The following GLIS1 variants were observed in gnomAD, a reference collection of about 807,000 sequenced individuals.
GLIS1 encodes GLIS family zinc finger 1.
GLIS1 carries 24 observed loss-of-function variants against 63.8 expected under a neutral mutation model. That is an observed-to-expected ratio of 0.38 (90% CI 0.27 to 0.53). The LOEUF (loss-of-function observed/expected upper bound fraction) is 0.53. Among genes scored for constraint, GLIS1 ranks in the 20% least tolerant of loss-of-function variants. The pLI is 0.85. For missense variants in GLIS1, 1,036 were observed against 1,074.1 expected (o/e 0.96, Z 0.50); for synonymous variants, 450 against 482.5 (o/e 0.93, Z 0.88).
At chr1:53,710,626 C>T (rs975855746) in intron 2 of GLIS1, among the ~76,000 whole-genome samples, 2 of 152,196 alleles carry the variant, frequency 1.3e-5, no homozygotes, top group South Asian at 2.1e-4. Context: ...CAAGAAGCAC[C>T]TAGAATGGTC....
rs1645232531 is a variant in GLIS1 at position 53,594,614 on chromosome 1, G to A, written c.814C>T (p.Leu272=). Residue 272 remains leucine, a synonymous_variant, in exon 4 of 11, where the codon CTG becomes TTG. Transcript: ENST00000628545. The stretch of plus-strand genomic sequence containing the variant: ...CGGAGTCCATTTACACAGGTGACCA[G>A]AGACGTCTGGGAGGAGCGGATGATG... The part of the protein sequence containing the change: ...TSIIRSSQTS[L]VTCVNGLRSP... The A allele has an allele frequency of 1.3e-6, 2 of 1,575,904 alleles. No individual in the cohort carries two copies. Among genetic ancestry groups the A allele is most frequent in the Non-Finnish European group, 1.7e-6 (2 of 1,157,912 alleles).
At position 53,733,864 on chromosome 1, in the gene GLIS1, C is replaced by T. The variant is rs797914; in HGVS notation, c.259+3942G>A. 0.013 allele frequency: 12,340 copies of T among 962,388 alleles called. 1,023 individuals carry two copies. The African/African-American group carries it at 0.19, about 14-fold the overall frequency. 59.6% of individuals were successfully genotyped at this position (962,388 alleles called of 1,614,324 possible). ...GATGAAATGCAAGCAAATTGCCCAC[C>T]GGAGCCGGAGGGGAGAAATGCTTTA... On this transcript the variant is annotated intron_variant, in intron 2 of 10. Coordinates refer to ENST00000628545, the MANE Select transcript of GLIS1 (RefSeq NM_001367484.1).
chr1:53,556,325 G>GGTTT (rs1644825647), intron 4 of GLIS1, among the ~76,000 whole-genome samples: 1 of 136,474 alleles, frequency 7.3e-6, no homozygotes, highest in Admixed American at 7.4e-5. Context: ...GTGTACTGCA[G>GGTTT]GTGTGTGTGT....
At chr1:53,645,046 G>C (rs554823826) in intron 2 of GLIS1, among the ~76,000 whole-genome samples, 2 of 152,196 alleles carry the variant, frequency 1.3e-5, no homozygotes, top group Non-Finnish European at 2.9e-5. Flanking sequence ...CATAGGAAAT[G>C]TCTGTGAAAT....
intron 4 of GLIS1, among the ~76,000 whole-genome samples, chr1:53,545,154 T>A (rs1448838184): frequency 2.0e-5 from 3 of 152,296 alleles, no homozygotes; most frequent in Non-Finnish European, 4.4e-5. Flanking sequence ...TACCCTAATT[T>A]GTCTGCATTG....
intron 3 of GLIS1, among the ~76,000 whole-genome samples, chr1:53,597,535 TA>T (rs1557472399): frequency 6.6e-6 from 1 of 151,856 alleles, no homozygotes; most frequent in East Asian, 1.9e-4. Flanking sequence ...TTATTAGTAT[TA>T]GAGAGTTAGG....
intron 2 of GLIS1, among the ~76,000 whole-genome samples, chr1:53,719,293 C>A (rs1646729631): frequency 6.6e-6 from 1 of 152,212 alleles, no homozygotes; most frequent in Admixed American, 6.5e-5. Flanking sequence ...TCTGAGTGAT[C>A]CTCTTAGAGC....
intron 2 of GLIS1, among the ~76,000 whole-genome samples, chr1:53,720,955 G>A (rs796163353): frequency 4.6e-5 from 7 of 151,446 alleles, no homozygotes; most frequent in African/African-American, 9.7e-5. Context: ...CCGAGATCAC[G>A]CCACTGCACT....
intron 4 of GLIS1, among the ~76,000 whole-genome samples, chr1:53,572,215 C>G (rs778577126): frequency 2.6e-5 from 4 of 152,204 alleles, no homozygotes; most frequent in Non-Finnish European, 5.9e-5. Context: ...GTCTCCACTT[C>G]CCAGAGCATT....
intron 2 of GLIS1, among the ~76,000 whole-genome samples, chr1:53,644,300 T>A (rs1030456331): frequency 2.0e-5 from 3 of 152,236 alleles, no homozygotes; most frequent in Non-Finnish European, 2.9e-5. Flanking sequence ...TCTGCCATGA[T>A]AAATCACTAT....
chr1:53,709,549 T>C (rs1646624258), intron 2 of GLIS1, among the ~76,000 whole-genome samples: 1 of 151,688 alleles, frequency 6.6e-6, no homozygotes, highest in Admixed American at 6.6e-5. Flanking sequence ...GTTAGACAGC[T>C]GGGTTCATGA....
intron 2 of GLIS1, among the ~76,000 whole-genome samples, chr1:53,611,260 G>C (rs1200043966): frequency 6.6e-6 from 1 of 152,092 alleles, no homozygotes; most frequent in Non-Finnish European, 1.5e-5. Context: ...CAGCTAATTT[G>C]TGTATTTTTT....
At chr1:53,530,074 C>T (rs1644514031) in intron 4 of GLIS1, 122 bp from the exon 5 acceptor site, 1 of 860,462 alleles carries the variant, frequency 1.2e-6, no homozygotes, top group Non-Finnish European at 1.8e-6. Flanking sequence ...GCTGGAGCCT[C>T]TGAGAGCTCT....
At chr1:53,590,736 TG>T (rs1406175666) in intron 4 of GLIS1, among the ~76,000 whole-genome samples, 1 of 152,116 alleles carries the variant, frequency 6.6e-6, no homozygotes, top group African/African-American at 2.4e-5. Flanking sequence ...AACAGGATAT[TG>T]CAAAAAGATT....
At chr1:53,584,055 TG>T (rs1557463617) in intron 4 of GLIS1, among the ~76,000 whole-genome samples, 1 of 152,120 alleles carries the variant, frequency 6.6e-6, no homozygotes, top group Non-Finnish European at 1.5e-5. Flanking sequence ...CCGAGGCCGG[TG>T]GATCTGTGGA....
At chr1:53,554,479 C>T (rs1644796350) in intron 4 of GLIS1, among the ~76,000 whole-genome samples, 2 of 152,174 alleles carry the variant, frequency 1.3e-5, no homozygotes, top group South Asian at 4.1e-4. Flanking sequence ...AAATTAGAAC[C>T]AAAGCTCAGA....
At chr1:53,665,644 G>A (rs985645198) in intron 2 of GLIS1, among the ~76,000 whole-genome samples, 1 of 152,152 alleles carries the variant, frequency 6.6e-6, no homozygotes, top group Non-Finnish European at 1.5e-5. Context: ...GCTAGACCCT[G>A]TCTCTTTAAA....
intron 4 of GLIS1, among the ~76,000 whole-genome samples, chr1:53,548,117 G>T (rs1644723069): frequency 6.6e-6 from 1 of 152,222 alleles, no homozygotes; most frequent in Non-Finnish European, 1.5e-5. Flanking sequence ...CAGGCTGAAT[G>T]TCTCCCCTCC....
intron 2 of GLIS1, among the ~76,000 whole-genome samples, chr1:53,696,285 G>A (rs935352940): frequency 3.3e-5 from 5 of 151,954 alleles, no homozygotes; most frequent in South Asian, 2.1e-4. Flanking sequence ...TCTTTCCCTC[G>A]AGATCTCTGA....
Sources: gnomAD v4.1 joint callset for allele counts (sites outside exome capture counted in the v4.1 genomes callset) on GRCh38, gnomAD v4.1.1 for gene constraint, MANE v1.5 for transcripts, NCBI Gene and HGNC (gene_info 2026-07-23, HGNC 2026-07-21) for gene names.